Variants in RAPGEF4 observed in about 807,000 individuals in gnomAD.
RAPGEF4 encodes the protein RAP guanine-nucleotide-exchange factor (GEF) 4.
RAPGEF4 carries 66 observed loss-of-function variants against 147.9 expected under a neutral mutation model. The ratio of observed to expected loss-of-function variants is 0.45; its 90% CI spans 0.37 to 0.55. The LOEUF is 0.55. Among genes scored for constraint, RAPGEF4 ranks in the 20% least tolerant of loss-of-function variants. The pLI is 0.00. For synonymous variants in RAPGEF4, 419 were observed against 442.7 expected (o/e 0.95, Z 0.67); for missense variants, 1,071 against 1,257.3 (o/e 0.85, Z 2.24).
At chr2:172,995,556 A>G (rs1693272786) in intron 15 of RAPGEF4, among the ~76,000 whole-genome samples, 1 of 152,160 alleles carries the variant, frequency 6.6e-6, no homozygotes, top group Non-Finnish European at 1.5e-5. Flanking sequence ...CTAGGATTAC[A>G]GACGTGAGCC....
intron 6 of RAPGEF4, among the ~76,000 whole-genome samples, chr2:172,931,188 T>TG (rs1575283791): frequency 2.6e-3 from 4 of 1,516 alleles, no homozygotes; most frequent in Non-Finnish European, 6.3e-3. Flanking sequence ...GGGGGGGCGC[T>TG]GGGGGGCGGG....
chr2:173,007,813 C>T (rs1025544649), intron 17 of RAPGEF4, among the ~76,000 whole-genome samples: 15 of 152,230 alleles, frequency 9.9e-5, no homozygotes, highest in Middle Eastern at 6.8e-3. Context: ...TCCACAAAGA[C>T]AAGAAGCCCA....
At chr2:172,875,357 C>A (rs1408725471) in intron 4 of RAPGEF4, among the ~76,000 whole-genome samples, 1 of 152,010 alleles carries the variant, frequency 6.6e-6, no homozygotes, top group Non-Finnish European at 1.5e-5. Flanking sequence ...CCTAGGTTTT[C>A]TTCTAGGGTT....
chr2:172,931,571 T>C (rs1685981671), intron 6 of RAPGEF4, among the ~76,000 whole-genome samples: 1 of 152,196 alleles, frequency 6.6e-6, no homozygotes, highest in Non-Finnish European at 1.5e-5. Flanking sequence ...TCTGGTGCTG[T>C]AATTTGATAG....
chr2:172,862,399 A>G (rs539704490), intron 4 of RAPGEF4, among the ~76,000 whole-genome samples: 2 of 152,352 alleles, frequency 1.3e-5, no homozygotes, highest in East Asian at 3.9e-4. Flanking sequence ...AGCTGAGCAG[A>G]GACAGCAGCA....
At chr2:172,958,356 G>C (rs1034738013) in intron 6 of RAPGEF4, among the ~76,000 whole-genome samples, 4 of 152,194 alleles carry the variant, frequency 2.6e-5, no homozygotes, top group Admixed American at 6.5e-5. Flanking sequence ...AGAGGTGAGA[G>C]GCTTAAGAAC....
At chr2:172,933,180 C>T (rs1324551081) in intron 6 of RAPGEF4, among the ~76,000 whole-genome samples, 2 of 152,014 alleles carry the variant, frequency 1.3e-5, no homozygotes, top group Non-Finnish European at 2.9e-5. Context: ...AACAGTGTTA[C>T]TAAATTCTTT....
At chr2:172,912,127 A>G (rs1381225820) in intron 4 of RAPGEF4, among the ~76,000 whole-genome samples, 1 of 152,160 alleles carries the variant, frequency 6.6e-6, no homozygotes, top group East Asian at 1.9e-4. Context: ...TTCATAAAAC[A>G]TATTCTGTGT....
chr2:172,890,773 T>C (rs936518899), intron 4 of RAPGEF4, among the ~76,000 whole-genome samples: 2 of 152,226 alleles, frequency 1.3e-5, no homozygotes, highest in African/African-American at 4.8e-5. Flanking sequence ...TTTCTATTCT[T>C]TCACTGGATA....
intron 29 of RAPGEF4, among the ~76,000 whole-genome samples, chr2:173,040,731 G>A (rs1684659925): frequency 6.6e-6 from 1 of 152,124 alleles, no homozygotes; most frequent in East Asian, 1.9e-4. Context: ...TTGCTTATTG[G>A]TTTTCAGGAT....
At chr2:172,886,972 G>A (rs1044108846) in intron 4 of RAPGEF4, among the ~76,000 whole-genome samples, 1 of 152,178 alleles carries the variant, frequency 6.6e-6, no homozygotes, top group African/African-American at 2.4e-5. Flanking sequence ...TGGATCACCT[G>A]AAGTCAGGAG....
chr2:172,910,537 T>C (rs896989235), intron 4 of RAPGEF4, among the ~76,000 whole-genome samples: 4 of 152,238 alleles, frequency 2.6e-5, no homozygotes, highest in Non-Finnish European at 5.9e-5. Context: ...CCCTGAGGAA[T>C]CTGAAAAGGG....
At chr2:173,011,170 G>GCGCGCGCGCACACACACACA (rs564434178) in intron 17 of RAPGEF4, among the ~76,000 whole-genome samples, 3 of 133,500 alleles carry the variant, frequency 2.2e-5, no homozygotes, top group Non-Finnish European at 3.2e-5. Flanking sequence ...GCGCGCGCGC[G>GCGCGCGCGCACACACACACA]CACACACACA....
At chr2:172,807,003 G>A (rs1354283852) in intron 3 of RAPGEF4, among the ~76,000 whole-genome samples, 5 of 152,042 alleles carry the variant, frequency 3.3e-5, no homozygotes, top group African/African-American at 9.7e-5. Flanking sequence ...ATTTCACTCC[G>A]TTATTTTCAA....
At position 172,961,198 on chromosome 2, in the gene RAPGEF4, G is replaced by A; in HGVS notation, c.668G>A (p.Arg223Lys). ...AILSRAPHMIRDRKYHLKTYR... is the reference protein window; with the variant it reads ...AILSRAPHMIKDRKYHLKTYR... ...CTCTCTCGAGCACCTCACATGATAA[G>A]AGATAGAAAATACCACCTAAAGACA... The change falls in exon 8 of 31, where the codon AGA becomes AAA. Residue 223 changes from arginine to lysine, a missense_variant. Arg to Lys is a conservative substitution (Grantham distance 26, BLOSUM62 2). Coordinates refer to ENST00000397081, the MANE Select transcript of RAPGEF4 (RefSeq NM_007023.4). The A allele has an allele frequency of 6.2e-7, 1 of 1,610,912 alleles. No homozygotes were observed. The highest frequency in any genetic ancestry group is 8.5e-7 in the Non-Finnish European group (1 of 1,177,116).
chr2:172,765,251 A>G (rs1372246268), intron 1 of RAPGEF4, among the ~76,000 whole-genome samples: 1 of 152,210 alleles, frequency 6.6e-6, no homozygotes, highest in Non-Finnish European at 1.5e-5. Flanking sequence ...CTAGTTCTAT[A>G]TGACCTCTTC....
intron 29 of RAPGEF4, among the ~76,000 whole-genome samples, chr2:173,041,225 A>T (rs1684719627): frequency 6.6e-6 from 1 of 152,210 alleles, no homozygotes; most frequent in Non-Finnish European, 1.5e-5. Flanking sequence ...TATAAGATTC[A>T]TGGAGAGAGC....
chr2:172,805,587 G>A (rs984639733), intron 3 of RAPGEF4, among the ~76,000 whole-genome samples: 3 of 152,154 alleles, frequency 2.0e-5, no homozygotes, highest in African/African-American at 7.2e-5. Flanking sequence ...CCTGCCCACA[G>A]ACCACTTCAT....
At chr2:172,788,919 A>G (rs990643829) in intron 1 of RAPGEF4, among the ~76,000 whole-genome samples, 5 of 151,964 alleles carry the variant, frequency 3.3e-5, no homozygotes, top group Non-Finnish European at 7.4e-5. Flanking sequence ...AATAAAATAA[A>G]TAAATAAATA....
Sources: allele counts gnomAD v4.1 joint callset (sites outside exome capture counted in the v4.1 genomes callset), GRCh38; gene constraint gnomAD v4.1.1; transcripts MANE v1.5; gene names NCBI Gene and HGNC (gene_info 2026-07-23, HGNC 2026-07-21).